BTBD3: variants seen among roughly 807,000 people sequenced by gnomAD.
BTBD3 encodes BTB domain containing 3, also known as BTB/POZ domain-containing protein 3.
BTBD3 carries 14 observed loss-of-function variants against 41.6 expected under a neutral mutation model. That is an observed-to-expected ratio of 0.34 (90% CI 0.22 to 0.53). The LOEUF (loss-of-function observed/expected upper bound fraction) is 0.53, where lower values mean the gene tolerates loss of function less well. BTBD3 is among the 20% of genes least tolerant of loss of function. The probability of loss-of-function intolerance (pLI) is 0.95; values close to 1 mark genes in which losing one functional copy is unlikely to be tolerated. For synonymous variants in BTBD3, 249 were observed against 233.7 expected (o/e 1.07, Z -0.60); for missense variants, 426 against 654.7 (o/e 0.65, Z 3.81).
chr20:11,901,842 A>G (rs1341383293), intron 1 of BTBD3, among the ~76,000 whole-genome samples: 1 of 152,192 alleles, frequency 6.6e-6, no homozygotes, highest in Admixed American at 6.5e-5. Flanking sequence ...AGGACAACCT[A>G]TATTTTGATT....
At chr20:11,916,933 G>T (rs1034946537), upstream of BTBD3, among the ~76,000 whole-genome samples, 3 of 152,106 alleles carry the variant, frequency 2.0e-5, no homozygotes. Flanking sequence ...AATGGTTGGA[G>T]GATTCACACC....
At chr20:11,897,737 C>G (rs1826639779) in intron 1 of BTBD3, among the ~76,000 whole-genome samples, 3 of 152,186 alleles carry the variant, frequency 2.0e-5, no homozygotes, top group Admixed American at 2.0e-4. Flanking sequence ...CCTGGCTTCT[C>G]TTTGATTTTC....
intron 1 of BTBD3, among the ~76,000 whole-genome samples, chr20:11,903,096 T>A (rs113748320): frequency 6.6e-6 from 1 of 152,208 alleles, no homozygotes; most frequent in Non-Finnish European, 1.5e-5. Flanking sequence ...GTATTTCTTT[T>A]GGACTTTTAC....
chr20:11,919,243 G>T (rs915431653), intron 2 of BTBD3, 67 bp downstream of exon 2: 3 of 1,473,104 alleles, frequency 2.0e-6, no homozygotes, highest in Non-Finnish European at 2.8e-6. Flanking sequence ...CCATAAGCCT[G>T]TAACTTGGTG....
At position 11,919,149 on chromosome 20, in the gene BTBD3, T is replaced by G; in HGVS notation, c.390T>G (p.Gly130=). 1 of 1,613,822 alleles carries G rather than the reference T, an allele frequency of 6.2e-7. No individual in the cohort carries two copies. Among genetic ancestry groups the G allele is most frequent in the Non-Finnish European group, 8.5e-7 (1 of 1,179,810 alleles). Residue 130 remains glycine (G), a synonymous_variant, in exon 2 of 4, where the codon GGT becomes GGG. Coordinates refer to ENST00000378226, the MANE Select transcript of BTBD3 (RefSeq NM_014962.4). ...ADVHFVVGPP[G]GTQRLPGHKY... ...TACATTTTGTGGTTGGGCCACCAGG[T>G]GGGACTCAACGGTTGCCAGGACACA...
rs900582863 is a variant in BTBD3, at chr20:11,925,537, A to G, written c.*1871A>G. The G allele has an allele frequency of 3.3e-5, 5 of 152,668 alleles. No homozygotes were observed. The highest frequency in any genetic ancestry group is 2.6e-4 in the Admixed American group (4 of 15,290). 9.5% of individuals were successfully genotyped at this position (152,668 alleles called of 1,614,324 possible). ...ATGAGTATTTCCAGGACAACGTTCT[A>G]AAAGTACAATTATTTCTTATTGGGG... On this transcript the variant is annotated 3_prime_UTR_variant, in exon 4 of 4. Transcript: ENST00000378226.
In BTBD3 at chr20:11,925,485, A is replaced by G. The variant is rs2057011130; in HGVS notation, c.*1819A>G. 6.6e-6 allele frequency: 1 copy of G among 152,666 alleles called. No homozygotes were observed. The highest frequency in any genetic ancestry group is 1.5e-5 in the Non-Finnish European group (1 of 68,036). The allele number at this position is 152,666 out of a possible 1,614,324, so 9.5% of individuals were successfully genotyped here. ...TTACCTACATCTATTAGCATAGATG[A>G]TGAAAAGCTGTTACTGGTGATTATA... On this transcript the variant is annotated 3_prime_UTR_variant, in exon 4 of 4. Coordinates refer to ENST00000378226, the MANE Select transcript of BTBD3 (RefSeq NM_014962.4).
At chr20:11,898,708 C>T (rs371741911) in intron 1 of BTBD3, among the ~76,000 whole-genome samples, 25 of 152,202 alleles carry the variant, frequency 1.6e-4, no homozygotes, top group African/African-American at 6.0e-4. Context: ...GCAACACATG[C>T]ATAGTGTTTT....
chr20:11,912,636 G>A (rs895129078), intron 1 of BTBD3, among the ~76,000 whole-genome samples: 2 of 152,206 alleles, frequency 1.3e-5, no homozygotes, highest in Non-Finnish European at 2.9e-5. Flanking sequence ...CATCACAAAC[G>A]TTTCCTGCTT....
chr20:11,916,986 A>G (rs1027270247), upstream of BTBD3, among the ~76,000 whole-genome samples: 1 of 152,212 alleles, frequency 6.6e-6, no homozygotes. Context: ...AATTCAAAGC[A>G]GAGAGAACCT....
upstream of BTBD3, among the ~76,000 whole-genome samples, chr20:11,916,881 C>A (rs2056921739): frequency 6.6e-6 from 1 of 152,050 alleles, no homozygotes; most frequent in Admixed American, 6.6e-5. Flanking sequence ...TATGCAGAAC[C>A]TATTGCCGGT....
At chr20:11,919,404 A>G (rs985253192) in intron 2 of BTBD3, 2 of 1,406,932 alleles carry the variant, frequency 1.4e-6, no homozygotes, top group African/African-American at 1.4e-5. Context: ...CTCTCCAGAC[A>G]TGGGAAGTTG....
chr20:11,905,576 G>A (rs902496604), intron 1 of BTBD3, among the ~76,000 whole-genome samples: 6 of 152,174 alleles, frequency 3.9e-5, no homozygotes, highest in African/African-American at 1.4e-4. Context: ...ACCGCTATGC[G>A]TAAATAAATC....
intron 1 of BTBD3, among the ~76,000 whole-genome samples, chr20:11,895,414 C>A (rs1012952101): frequency 1.3e-5 from 2 of 152,148 alleles, no homozygotes; most frequent in African/African-American, 4.8e-5. Context: ...CTTCTTCCCC[C>A]CATCCCTTAC....
chr20:11,891,799 A>G (rs1288045638), intron 1 of BTBD3, among the ~76,000 whole-genome samples: 1 of 152,252 alleles, frequency 6.6e-6, no homozygotes, highest in South Asian at 2.1e-4. Flanking sequence ...TAATTCTATT[A>G]TTAGTCCTCA....
chr20:11,911,232 T>G (rs1412786053), intron 1 of BTBD3, among the ~76,000 whole-genome samples: 1 of 151,792 alleles, frequency 6.6e-6, no homozygotes, highest in Non-Finnish European at 1.5e-5. Flanking sequence ...GTGGCGAGGG[T>G]GGGGGAGGCA....
In BTBD3 at chr20:11,919,265, C is replaced by T; in HGVS notation, c.417+89C>T. 3 of 1,394,196 alleles carry T rather than the reference C, an allele frequency of 2.2e-6. No homozygotes were observed. The South Asian group carries it at 4.0e-5, about 19-fold the overall frequency. 86.4% of individuals were successfully genotyped at this position (1,394,196 alleles called of 1,614,324 possible). ...CCTGTAACTTGGTGTGGGCAGCTTG[C>T]CGATGTCAGGCAGTGCATGTTTCAC... On this transcript the variant is annotated intron_variant, in intron 2 of 3. Coordinates refer to ENST00000378226, the MANE Select transcript of BTBD3 (RefSeq NM_014962.4).
At position 11,925,402 on chromosome 20, in the gene BTBD3, G is replaced by A. The variant is rs990977235; in HGVS notation, c.*1736G>A. Reference sequence around the variant, plus strand: ...AGATGTGGGCTTGTTGCCTTCAGCCGGCTTCCCTGAGGGAGGAGAACACTG... The same window carrying A: ...AGATGTGGGCTTGTTGCCTTCAGCCAGCTTCCCTGAGGGAGGAGAACACTG... On this transcript the variant is annotated 3_prime_UTR_variant, in exon 4 of 4. Coordinates refer to ENST00000378226, the MANE Select transcript of BTBD3 (RefSeq NM_014962.4). 2 of 152,684 alleles carry A rather than the reference G, an allele frequency of 1.3e-5. No individual in the cohort carries two copies. The highest frequency in any genetic ancestry group is 3.8e-4 in the East Asian group (2 of 5,196). The allele number at this position is 152,684 out of a possible 1,614,324, so 9.5% of individuals were successfully genotyped here.
chr20:11,914,258 T>C (rs949001378), upstream of BTBD3, among the ~76,000 whole-genome samples: 19 of 152,144 alleles, frequency 1.2e-4, no homozygotes, highest in African/African-American at 4.6e-4. Flanking sequence ...TTATGTTTAA[T>C]CAAGGAGGAA....
Sources: allele counts gnomAD v4.1 joint callset (sites outside exome capture counted in the v4.1 genomes callset), GRCh38; gene constraint gnomAD v4.1.1; transcripts MANE v1.5; gene names NCBI Gene and HGNC (gene_info 2026-07-23, HGNC 2026-07-21).